Variants in RBPMS observed in about 807,000 individuals in gnomAD.
The protein encoded by RBPMS is RNA-binding protein with multiple splicing.
A neutral mutation model predicts 26.8 loss-of-function variants in RBPMS; 7 were observed. The observed-to-expected ratio is 0.26, with a 90% CI of 0.15 to 0.49. The LOEUF (loss-of-function observed/expected upper bound fraction) is 0.49, where lower values mean the gene tolerates loss of function less well. Among genes scored for constraint, RBPMS ranks in the 20% least tolerant of loss-of-function variants. RBPMS has a pLI of 0.98. For missense variants in RBPMS, 186 were observed against 250.0 expected, an observed-to-expected ratio of 0.74 and a Z score of 1.73; for synonymous variants, 96 against 93.3, an observed-to-expected ratio of 1.03 and a Z score of -0.17.
intron 1 of RBPMS, among the ~76,000 whole-genome samples, chr8:30,454,468 T>C (rs1316558938): frequency 6.6e-6 from 1 of 152,224 alleles, no homozygotes; most frequent in East Asian, 1.9e-4. Context: ...CATGTCTTAC[T>C]CTGCAACTCC....
intron 1 of RBPMS, among the ~76,000 whole-genome samples, chr8:30,391,849 TG>T (rs1807827190): frequency 6.6e-6 from 1 of 152,120 alleles, no homozygotes; most frequent in African/African-American, 2.4e-5. Flanking sequence ...AAGGAAATAC[TG>T]AAATCTTTAG....
At chr8:30,461,622 C>G (rs1815913778) in intron 1 of RBPMS, among the ~76,000 whole-genome samples, 1 of 152,148 alleles carries the variant, frequency 6.6e-6, no homozygotes, top group African/African-American at 2.4e-5. Flanking sequence ...GTCTTGATCT[C>G]CTGACCTCGT....
At chr8:30,501,471 A>G (rs1820550804) in intron 4 of RBPMS, among the ~76,000 whole-genome samples, 1 of 151,782 alleles carries the variant, frequency 6.6e-6, no homozygotes, top group African/African-American at 2.4e-5. Context: ...CCTTTTAAAG[A>G]TCTCCCAGAA....
chr8:30,476,235 T>G (rs1817680396), intron 2 of RBPMS, among the ~76,000 whole-genome samples: 1 of 152,166 alleles, frequency 6.6e-6, no homozygotes, highest in African/African-American at 2.4e-5. Context: ...TGCTCAAGTT[T>G]ACACACATAA....
intron 5 of RBPMS, among the ~76,000 whole-genome samples, chr8:30,539,761 G>A (rs1316257420): frequency 6.6e-6 from 1 of 151,994 alleles, no homozygotes; most frequent in Non-Finnish European, 1.5e-5. Flanking sequence ...AATTAGCTGG[G>A]ATTATAGGCG....
chr8:30,517,024 C>T (rs1177306426), intron 5 of RBPMS, among the ~76,000 whole-genome samples: 2 of 152,010 alleles, frequency 1.3e-5, no homozygotes, highest in Admixed American at 1.3e-4. Context: ...ATGTTACCCA[C>T]CCAGAGATAA....
At chr8:30,440,126 C>T (rs757474088) in intron 1 of RBPMS, among the ~76,000 whole-genome samples, 4 of 152,028 alleles carry the variant, frequency 2.6e-5, no homozygotes, top group Non-Finnish European at 5.9e-5. Context: ...TTTTTGGAGA[C>T]GGGGTCTCAT....
At position 30,566,705 on chromosome 8, in the gene RBPMS, C is replaced by T. The variant is rs1386939636; in HGVS notation, c.*111+345C>T. On this transcript the variant is annotated intron_variant, in intron 8 of 8. Transcript: ENST00000397323. ...CTGAAACGAAGCTTTTCCCTTTAAG[C>T]ATCGCCTTTTTTGGGGGGAAATTAT... Among the ~76,000 whole-genome samples the T allele has an allele frequency of 3.9e-5, 6 of 152,194 alleles. No individual in the cohort carries two copies. The East Asian group carries it at 9.6e-4, about 24-fold the overall frequency.
At chr8:30,425,144 ACAAAGTCT>A (rs1254122098) in intron 1 of RBPMS, among the ~76,000 whole-genome samples, 1 of 151,952 alleles carries the variant, frequency 6.6e-6, no homozygotes, top group African/African-American at 2.4e-5. Context: ...TTTTGTAGCG[ACAAAGTCT>A]CACTATGTTG....
At chr8:30,491,534 A>T (rs1427319980) in intron 4 of RBPMS, among the ~76,000 whole-genome samples, 1 of 152,160 alleles carries the variant, frequency 6.6e-6, no homozygotes, top group Non-Finnish European at 1.5e-5. Flanking sequence ...GGATTGTGAA[A>T]ATATACTTGG....
chr8:30,505,625 A>C (rs982195994), intron 5 of RBPMS, among the ~76,000 whole-genome samples: 3 of 152,228 alleles, frequency 2.0e-5, no homozygotes, highest in Non-Finnish European at 4.4e-5. Flanking sequence ...TTGGGAAGGA[A>C]ATCTAAACAA....
intron 6 of RBPMS, chr8:30,549,379 AC>A (rs1826111236): frequency 2.5e-6 from 2 of 804,546 alleles, no homozygotes; most frequent in East Asian, 4.9e-5. Context: ...CCGGAAAACG[AC>A]AGCTTTGAAG....
chr8:30,509,257 T>C (rs191512532), intron 5 of RBPMS, among the ~76,000 whole-genome samples: 22 of 152,298 alleles, frequency 1.4e-4, no homozygotes, highest in South Asian at 6.2e-4. Context: ...TCCTCCCTTC[T>C]TCCCTCCTCC....
intron 6 of RBPMS, among the ~76,000 whole-genome samples, chr8:30,551,103 G>A (rs1336633119): frequency 6.6e-6 from 1 of 152,162 alleles, no homozygotes; most frequent in Admixed American, 6.5e-5. Context: ...AGTTCTGCCA[G>A]GAAACCCGAG....
chr8:30,474,896 A>G, intron 2 of RBPMS, 40 bp downstream of exon 2: 1 of 1,316,232 alleles, frequency 7.6e-7, no homozygotes, highest in Non-Finnish European at 1.1e-6. Context: ...AAATGAGACA[A>G]AAGTCTGTAT....
intron 4 of RBPMS, among the ~76,000 whole-genome samples, chr8:30,481,567 T>A (rs555388702): frequency 1.8e-4 from 28 of 152,210 alleles, no homozygotes; most frequent in African/African-American, 6.7e-4. Context: ...TCACTGGCAG[T>A]ACGCCTTTCT....
intron 1 of RBPMS, among the ~76,000 whole-genome samples, chr8:30,461,250 G>A (rs987127876): frequency 4.6e-5 from 7 of 152,026 alleles, no homozygotes; most frequent in Admixed American, 2.6e-4. Context: ...AATCTAAATA[G>A]GCCCCTTATA....
intron 1 of RBPMS, among the ~76,000 whole-genome samples, chr8:30,429,313 T>A (rs1333952776): frequency 1.3e-5 from 2 of 152,214 alleles, no homozygotes; most frequent in African/African-American, 2.4e-5. Context: ...GGAGCCCCTG[T>A]CTGTCTTAAG....
chr8:30,550,982 C>T (rs1168907221), intron 6 of RBPMS, among the ~76,000 whole-genome samples: 1 of 152,230 alleles, frequency 6.6e-6, no homozygotes, highest in Non-Finnish European at 1.5e-5. Flanking sequence ...GCCCATTCCT[C>T]CCTGGACTTT....
Sources: gnomAD v4.1 joint callset for allele counts (sites outside exome capture counted in the v4.1 genomes callset) on GRCh38, gnomAD v4.1.1 for gene constraint, MANE v1.5 for transcripts, NCBI Gene and HGNC (gene_info 2026-07-23, HGNC 2026-07-21) for gene names.